Variants in ESRRG observed in about 807,000 individuals in gnomAD.
The protein encoded by ESRRG is estrogen-related receptor gamma.
In ESRRG, 13 loss-of-function variants were observed where a neutral mutation model predicts 44.0. That is an observed-to-expected ratio of 0.30 (90% confidence interval 0.19 to 0.47). The LOEUF (loss-of-function observed/expected upper bound fraction) is 0.47, where lower values mean the gene tolerates loss of function less well. Among genes scored for constraint, ESRRG ranks in the 20% least tolerant of loss-of-function variants. ESRRG has a pLI of 1.00. For synonymous variants in ESRRG, 215 were observed against 214.6 expected, an observed-to-expected ratio of 1.00 and a Z score of -0.02; for missense variants, 395 against 580.6, an observed-to-expected ratio of 0.68 and a Z score of 3.29.
At chr1:216,650,927 C>T (rs774884639) in intron 3 of ESRRG, 46 bp downstream of exon 3, 3 of 1,268,938 alleles carry the variant, frequency 2.4e-6, no homozygotes, top group Non-Finnish European at 3.5e-6. Context: ...GCCTCCCATC[C>T]CCACAGCAAA....
intron 2 of ESRRG, among the ~76,000 whole-genome samples, chr1:216,666,819 A>G (rs956441217): frequency 1.3e-5 from 2 of 152,174 alleles, no homozygotes; most frequent in African/African-American, 4.8e-5. Flanking sequence ...GTGATCTGTG[A>G]AGTCCCTTAG....
chr1:216,871,415 T>A (rs2096257782), intron 2 of ESRRG, among the ~76,000 whole-genome samples: 1 of 152,056 alleles, frequency 6.6e-6, no homozygotes, highest in Non-Finnish European at 1.5e-5. Context: ...TAATGAATGT[T>A]CCATGCTCCC....
At chr1:216,957,773 A>G (rs1018630092) in intron 1 of ESRRG, among the ~76,000 whole-genome samples, 3 of 152,162 alleles carry the variant, frequency 2.0e-5, no homozygotes, top group Admixed American at 6.6e-5. Flanking sequence ...TCTTTTTTGA[A>G]AGTCTAAGTA....
At chr1:216,602,737 C>A (rs1428698574) in intron 3 of ESRRG, among the ~76,000 whole-genome samples, 1 of 152,184 alleles carries the variant, frequency 6.6e-6, no homozygotes, top group African/African-American at 2.4e-5. Flanking sequence ...CAATGAATTG[C>A]CTAGCCAAGC....
At chr1:216,520,708 T>A (rs1304598259) in intron 5 of ESRRG, among the ~76,000 whole-genome samples, 4 of 152,266 alleles carry the variant, frequency 2.6e-5, no homozygotes, top group Non-Finnish European at 4.4e-5. Flanking sequence ...AGTGGTACCA[T>A]CATTTAAGGT....
chr1:216,587,465 T>C (rs753155220), intron 3 of ESRRG, among the ~76,000 whole-genome samples: 3 of 152,162 alleles, frequency 2.0e-5, no homozygotes, highest in Non-Finnish European at 4.4e-5. Context: ...GTCTATCAAA[T>C]TGCTTATGAG....
chr1:216,838,435 C>T (rs541371828), intron 2 of ESRRG, among the ~76,000 whole-genome samples: 2 of 152,220 alleles, frequency 1.3e-5, no homozygotes, highest in Admixed American at 6.5e-5. Flanking sequence ...AACAGTGACA[C>T]TCCCTTTTCT....
intron 1 of ESRRG, among the ~76,000 whole-genome samples, chr1:216,998,722 G>A (rs764285322): frequency 3.1e-4 from 47 of 152,224 alleles, no homozygotes; most frequent in Middle Eastern, 6.8e-3. Flanking sequence ...TTCACACAGC[G>A]TGAAATAAAA....
chr1:216,893,542 G>T (rs1191811100), intron 2 of ESRRG, among the ~76,000 whole-genome samples: 2 of 152,066 alleles, frequency 1.3e-5, no homozygotes, highest in Non-Finnish European at 1.5e-5. Flanking sequence ...TATGTCATTT[G>T]TCCTAGACAC....
intron 2 of ESRRG, among the ~76,000 whole-genome samples, chr1:216,731,686 C>T (rs945916370): frequency 2.0e-5 from 3 of 152,166 alleles, no homozygotes; most frequent in African/African-American, 7.2e-5. Flanking sequence ...AAGAGTGAGA[C>T]AAAGAATTCC....
At chr1:216,716,059 A>G (rs1466969951) in intron 1 of ESRRG, among the ~76,000 whole-genome samples, 1 of 152,002 alleles carries the variant, frequency 6.6e-6, no homozygotes, top group Admixed American at 6.6e-5. Flanking sequence ...TTTGTTTTCC[A>G]GAAAACATAT....
chr1:216,800,011 AT>A (rs1186337605), intron 2 of ESRRG, among the ~76,000 whole-genome samples: 1 of 152,196 alleles, frequency 6.6e-6, no homozygotes, highest in East Asian at 1.9e-4. Flanking sequence ...GGGGAGAGGA[AT>A]CTCAGCACTC....
At chr1:216,673,870 G>A (rs762655855) in intron 2 of ESRRG, among the ~76,000 whole-genome samples, 3 of 152,070 alleles carry the variant, frequency 2.0e-5, no homozygotes, top group Non-Finnish European at 2.9e-5. Flanking sequence ...CAACCTTTGG[G>A]AACAAAGCTT....
At chr1:216,893,998 T>C (rs763396462) in intron 2 of ESRRG, among the ~76,000 whole-genome samples, 1 of 152,200 alleles carries the variant, frequency 6.6e-6, no homozygotes, top group Non-Finnish European at 1.5e-5. Context: ...CATTATTCAA[T>C]GATTCTGGAA....
intron 2 of ESRRG, among the ~76,000 whole-genome samples, chr1:216,817,738 A>C (rs532636553): frequency 6.6e-6 from 1 of 152,354 alleles, no homozygotes; most frequent in Non-Finnish European, 1.5e-5. Context: ...AATTTAGGGA[A>C]TAGGAATGCA....
intron 2 of ESRRG, among the ~76,000 whole-genome samples, chr1:216,795,649 T>C (rs2094452972): frequency 6.6e-6 from 1 of 152,020 alleles, no homozygotes; most frequent in African/African-American, 2.4e-5. Flanking sequence ...CCTCTAAATT[T>C]TAATATATAT....
intron 2 of ESRRG, among the ~76,000 whole-genome samples, chr1:216,811,073 A>G (rs1201229544): frequency 6.6e-6 from 1 of 152,096 alleles, no homozygotes; most frequent in Non-Finnish European, 1.5e-5. Flanking sequence ...CAATGAGTAA[A>G]ATACTGGATT....
intron 3 of ESRRG, among the ~76,000 whole-genome samples, chr1:216,644,058 C>T (rs564564011): frequency 6.6e-6 from 1 of 152,270 alleles, no homozygotes; most frequent in South Asian, 2.1e-4. Context: ...CCCATTTCCA[C>T]TTTATCTGCA....
chr1:216,637,975 A>C (rs549342763), intron 3 of ESRRG, among the ~76,000 whole-genome samples: 10 of 152,318 alleles, frequency 6.6e-5, no homozygotes, highest in African/African-American at 2.4e-4. Context: ...AATTACAAAA[A>C]TGCAACTGAA....
Sources: allele counts gnomAD v4.1 joint callset (sites outside exome capture counted in the v4.1 genomes callset), GRCh38; gene constraint gnomAD v4.1.1; transcripts MANE v1.5; gene names NCBI Gene and HGNC (gene_info 2026-07-23, HGNC 2026-07-21).